Variants in LNX1 observed in about 807,000 individuals in gnomAD.
LNX1 encodes the protein ligand of numb-protein X 1.
A neutral mutation model predicts 68.4 loss-of-function variants in LNX1; 54 were observed. The ratio of observed to expected loss-of-function variants is 0.79; its 90% confidence interval spans 0.63 to 0.99. The LOEUF is 0.99. LNX1 is among the 50% of genes least tolerant of loss of function. The pLI is 0.00. For missense variants in LNX1, 906 were observed against 926.4 expected, an observed-to-expected ratio of 0.98 and a Z score of 0.29; for synonymous variants, 336 against 350.0, an observed-to-expected ratio of 0.96 and a Z score of 0.45.
chr4:53,543,319 AC>A (rs1728885243), intron 2 of LNX1, among the ~76,000 whole-genome samples: 1 of 152,172 alleles, frequency 6.6e-6, no homozygotes, highest in Admixed American at 6.5e-5. Context: ...CATCTGATGT[AC>A]TACATGTGTG....
Position 53,580,238 on chromosome 4 carries a change from T to C in LNX1, c.-86-6150A>G, listed in dbSNP as rs375713918. 7.2e-5 allele frequency among the ~76,000 whole-genome samples: 11 copies of C among 152,330 alleles called. No homozygotes were observed. In the South Asian group the frequency reaches 1.9e-3, roughly 26 times the overall value. On this transcript the variant is annotated intron_variant, in intron 1 of 10. Coordinates refer to ENST00000263925, the MANE Select transcript of LNX1 (RefSeq NM_001126328.3). ...CTTTCCACAAGTGCCACCGTTACCCTAGGAGCTCTTTAGAATATGCCTAAC... is the reference window on the plus strand; with the variant it reads ...CTTTCCACAAGTGCCACCGTTACCCCAGGAGCTCTTTAGAATATGCCTAAC...
intron 2 of LNX1, among the ~76,000 whole-genome samples, chr4:53,519,410 A>G (rs1310197922): frequency 1.3e-5 from 2 of 148,834 alleles, no homozygotes; most frequent in Non-Finnish European, 3.0e-5. Context: ...TAACCACCTG[A>G]GCTATCATTT....
At chr4:53,578,428 A>C (rs1169956247) in intron 1 of LNX1, among the ~76,000 whole-genome samples, 1 of 152,212 alleles carries the variant, frequency 6.6e-6, no homozygotes, top group Non-Finnish European at 1.5e-5. Context: ...AACTGTACCA[A>C]ATACTGTAGG....
intron 9 of LNX1, among the ~76,000 whole-genome samples, chr4:53,465,756 A>G (rs10028214): frequency 0.81 from 123,721 of 152,188 alleles, 50,422 homozygotes; most frequent in Non-Finnish European, 0.85. Context: ...ATATGTTGCT[A>G]GCTTTTTTTG....
intron 2 of LNX1, chr4:53,603,838 C>A (rs553555259): frequency 2.0e-5 from 3 of 152,210 alleles, no homozygotes. Context: ...GGACAAATAT[C>A]CAGACTATAT....
chr4:53,501,450 A>C (rs561304582), intron 4 of LNX1, among the ~76,000 whole-genome samples: 1 of 151,772 alleles, frequency 6.6e-6, no homozygotes, highest in Non-Finnish European at 1.5e-5. Context: ...ACCATGTCCC[A>C]CTAATTTCAT....
chr4:53,566,838 G>A (rs1207198107), intron 2 of LNX1, among the ~76,000 whole-genome samples: 1 of 149,974 alleles, frequency 6.7e-6, no homozygotes, highest in Non-Finnish European at 1.5e-5. Flanking sequence ...AAAAAGGCAG[G>A]GGTTGCAATC....
chr4:53,576,069 C>G, intron 1 of LNX1: 1 of 1,559,580 alleles, frequency 6.4e-7, no homozygotes, highest in South Asian at 1.2e-5. Context: ...TCTGCATCCC[C>G]CAAGACCTGG....
chr4:53,459,563 A>C lies in LNX1; in HGVS notation c.*1344T>G. ...CTTAAATCTTGTTCTGTTTGTTAGT[A>C]TGAAAAGTTAACTTTTTTTCCAAAA... is the stretch of plus-strand genomic sequence containing the variant. On this transcript the variant is annotated 3_prime_UTR_variant, in exon 11 of 11. Transcript: ENST00000263925. The C allele has an allele frequency of 6.9e-7, 1 of 1,456,356 alleles. No individual in the cohort carries two copies. Among genetic ancestry groups the C allele is most frequent in the Non-Finnish European group, 9.4e-7 (1 of 1,060,850 alleles). The allele number at this position is 1,456,356 out of a possible 1,614,324, so 90.2% of individuals were successfully genotyped here.
chr4:53,487,742 T>C (rs1724406504), intron 6 of LNX1, among the ~76,000 whole-genome samples: 1 of 152,210 alleles, frequency 6.6e-6, no homozygotes, highest in Admixed American at 6.5e-5. Context: ...TATAAGCTGC[T>C]TATAGAGCTC....
At chr4:53,479,318 A>G (rs1407641486) in intron 7 of LNX1, among the ~76,000 whole-genome samples, 3 of 152,252 alleles carry the variant, frequency 2.0e-5, no homozygotes, top group African/African-American at 7.2e-5. Flanking sequence ...AAACTTTTCT[A>G]TGTTAAAAAA....
chr4:53,637,654 T>C (rs141705080), intron 1 of LNX1, among the ~76,000 whole-genome samples: 41 of 152,308 alleles, frequency 2.7e-4, no homozygotes, highest in African/African-American at 9.1e-4. Flanking sequence ...CCTTATTTTT[T>C]GTGCCCACCC....
upstream of LNX1, among the ~76,000 whole-genome samples, chr4:53,622,256 C>T (rs1733909808): frequency 6.6e-6 from 1 of 152,142 alleles, no homozygotes; most frequent in Non-Finnish European, 1.5e-5. Flanking sequence ...AGAAATTTGG[C>T]ATTTGCAATA....
chr4:53,610,009 G>T (rs1733416399), intron 2 of LNX1, among the ~76,000 whole-genome samples: 1 of 151,676 alleles, frequency 6.6e-6, no homozygotes, highest in Non-Finnish European at 1.5e-5. Flanking sequence ...GTAAAGTCAA[G>T]ATTTGAAAAT....
intron 2 of LNX1, among the ~76,000 whole-genome samples, chr4:53,558,572 A>G (rs1334253779): frequency 6.6e-6 from 1 of 152,224 alleles, no homozygotes; most frequent in Non-Finnish European, 1.5e-5. Context: ...GACATATGAA[A>G]GAGATGTGAC....
chr4:53,525,004 G>GTTGA, intron 2 of LNX1, among the ~76,000 whole-genome samples: 1 of 152,254 alleles, frequency 6.6e-6, no homozygotes, highest in East Asian at 1.9e-4. Flanking sequence ...GGGATTTGTG[G>GTTGA]TTGATTTGGA....
At chr4:53,465,966 C>A (rs1198425552) in intron 9 of LNX1, among the ~76,000 whole-genome samples, 2 of 152,150 alleles carry the variant, frequency 1.3e-5, no homozygotes, top group African/African-American at 4.8e-5. Context: ...TTGGCATCTA[C>A]TTCCAGTGAC....
intron 2 of LNX1, among the ~76,000 whole-genome samples, chr4:53,540,617 G>A (rs1289723739): frequency 2.0e-5 from 3 of 151,920 alleles, no homozygotes; most frequent in Non-Finnish European, 4.4e-5. Flanking sequence ...AGGAGGGGGA[G>A]GTTGCAGCGA....
rs187341306 is a variant in LNX1, at chr4:53,577,778, A to T, written c.-86-3690T>A. ...TTCTGGTCAAAGAATCCTAGCTTTT[A>T]AAAAAAACTTGCAAACCACCAGACT... On this transcript the variant is annotated intron_variant, in intron 1 of 10. Transcript: ENST00000263925. Among the ~76,000 whole-genome samples the T allele has an allele frequency of 8.3e-3, 1,265 of 152,124 alleles. 19 individuals are homozygous for T. Among genetic ancestry groups the T allele is most frequent in the African/African-American group, 0.028 (1,173 of 41,494 alleles).
Sources: allele counts gnomAD v4.1 joint callset (sites outside exome capture counted in the v4.1 genomes callset), GRCh38; gene constraint gnomAD v4.1.1; transcripts MANE v1.5; gene names NCBI Gene and HGNC (gene_info 2026-07-23, HGNC 2026-07-21).